The following WDR27 variants were observed in gnomAD, a reference collection of about 807,000 sequenced individuals.
The protein encoded by WDR27 is WD repeat domain 27.
A neutral mutation model predicts 114.4 loss-of-function variants in WDR27; 100 were observed. That is an observed-to-expected ratio of 0.87 (90% CI 0.74 to 1.03). WDR27 has a LOEUF of 1.03. WDR27 is among the 50% of genes least tolerant of loss of function. The pLI, the probability that WDR27 is intolerant of heterozygous loss-of-function variation, is 0.00. For synonymous variants in WDR27, 449 were observed against 423.1 expected, an observed-to-expected ratio of 1.06 and a Z score of -0.75; for missense variants, 1,129 against 1,092.9, an observed-to-expected ratio of 1.03 and a Z score of -0.47.
chr6:169,647,892 CG>C, intron 15 of WDR27, 22 bp from the exon 16 acceptor site: 1 of 1,503,574 alleles, frequency 6.7e-7, no homozygotes, highest in Non-Finnish European at 8.9e-7. Flanking sequence ...CCACAGGTAA[CG>C]GTGATCGGGA....
intron 21 of WDR27, among the ~76,000 whole-genome samples, chr6:169,624,206 T>TGGCAGGTGTTCCGTGTGCGC (rs1397741804): frequency 6.7e-6 from 1 of 148,454 alleles, no homozygotes; most frequent in East Asian, 2.0e-4. Context: ...GTGCGGCATG[T>TGGCAGGTGTTCCGTGTGCGC]GGCAGGTGTT....
rs1782389936 is a variant in WDR27, at chr6:169,684,456, C to T, written c.189+4361G>A. On this transcript the variant is annotated intron_variant, in intron 2 of 25. Transcript: ENST00000448612. This position sits in a 1 kb window ranked among gnomAD's most constrained non-coding sequence, Gnocchi z 4.3. ...ATGGCAAGCATGCTCCCAGGCCCAA[C>T]AAACAGCTATGTGCCCATGTCTCAG... is the stretch of plus-strand genomic sequence containing the variant. Among the ~76,000 whole-genome samples the T allele has an allele frequency of 6.6e-6, 1 of 152,160 alleles. No homozygotes were observed. The highest frequency in any genetic ancestry group is 1.5e-5 in the Non-Finnish European group (1 of 68,030).
chr6:169,515,226 G>A (rs763026231), intron 25 of WDR27, among the ~76,000 whole-genome samples: 20 of 152,014 alleles, frequency 1.3e-4, no homozygotes, highest in African/African-American at 4.3e-4. Flanking sequence ...AAATGTGTGC[G>A]TGTGTGCAGC....
intron 25 of WDR27, among the ~76,000 whole-genome samples, chr6:169,525,536 A>AG (rs111342599): frequency 1.7e-5 from 1 of 58,036 alleles, no homozygotes; most frequent in Non-Finnish European, 2.8e-5. Flanking sequence ...ACTCCATCTC[A>AG]AAAAAAAAAA....
intron 23 of WDR27, 61 bp from the exon 24 acceptor site, chr6:169,582,995 T>C: frequency 1.4e-6 from 2 of 1,477,320 alleles, no homozygotes; most frequent in South Asian, 2.4e-5. Context: ...ACCTGTAAGC[T>C]AGGCAGAGCA....
chr6:169,564,176 T>TGAAGA (rs1390556615), intron 25 of WDR27, among the ~76,000 whole-genome samples: 1 of 152,182 alleles, frequency 6.6e-6, no homozygotes, highest in Non-Finnish European at 1.5e-5. Context: ...GTCCAAAAGC[T>TGAAGA]GAAGAACCTG....
the WDR27 span, among the ~76,000 whole-genome samples, chr6:169,447,588 T>C: frequency 6.6e-6 from 1 of 152,210 alleles, no homozygotes; most frequent in Non-Finnish European, 1.5e-5. Context: ...CTGTGCAATA[T>C]TGGAGTCTAG....
intron 21 of WDR27, among the ~76,000 whole-genome samples, chr6:169,615,557 G>A (rs1483593671): frequency 1.3e-5 from 2 of 152,164 alleles, no homozygotes; most frequent in South Asian, 4.1e-4. Flanking sequence ...TTCAATAAAT[G>A]GTGCTGGGAT....
At chr6:169,565,251 A>C (rs1354269927) in intron 25 of WDR27, among the ~76,000 whole-genome samples, 1 of 152,208 alleles carries the variant, frequency 6.6e-6, no homozygotes, top group Admixed American at 6.5e-5. Context: ...CAGTTTCCAA[A>C]TGCAAAGCCT....
At position 169,638,595 on chromosome 6, in the gene WDR27, G is replaced by A. The variant is rs377364583; in HGVS notation, c.1813C>T (p.Arg605Trp). ...QDRRWLLSAARDGTLRMWSAR... is the reference protein window; with the variant it reads ...QDRRWLLSAAWDGTLRMWSAR... Reference sequence around the variant, plus strand: ...GACCACATTCGCAGGGTCCCGTCCCGGGCCGCAGAGAGCAGCCACCTCCGG... The same window carrying A: ...GACCACATTCGCAGGGTCCCGTCCCAGGCCGCAGAGAGCAGCCACCTCCGG... The change falls in exon 18 of 26, where the codon CGG becomes TGG. Residue 605 changes from arginine (R) to tryptophan (W), a missense_variant. Coordinates refer to ENST00000448612, the MANE Select transcript of WDR27 (RefSeq NM_182552.5). 1.4e-5 allele frequency: 23 copies of A among 1,609,032 alleles called. No homozygotes were observed. Among genetic ancestry groups the A allele is most frequent in the African/African-American group, 9.3e-5 (7 of 74,950 alleles).
chr6:169,660,687 C>T lies in WDR27; in HGVS notation c.1105G>A (p.Val369Met). The change falls in exon 10 of 26, where the codon GTG (valine) becomes ATG (methionine). Residue 369 changes from valine to methionine, a missense_variant. By Grantham distance (21) the Val-to-Met change is conservative. Transcript: ENST00000448612. Reference protein sequence around the residue: ...LFVFNLANLEVEAALYYKDFQ... With the variant: ...LFVFNLANLEMEAALYYKDFQ... ...CCCTTGTAATACAAAGCAGCTTCCA[C>T]TTCCAGGTTTGCCAGGTTAAATACG... is the stretch of plus-strand genomic sequence containing the variant. The T allele has an allele frequency of 1.2e-6, 2 of 1,613,968 alleles. No homozygotes were observed. Among genetic ancestry groups the T allele is most frequent in the African/African-American group, 2.7e-5 (2 of 75,068 alleles).
chr6:169,467,392 T>C (rs1434687705), intron 25 of WDR27, among the ~76,000 whole-genome samples: 2 of 152,196 alleles, frequency 1.3e-5, no homozygotes, highest in African/African-American at 4.8e-5. Flanking sequence ...GTAGGGGTTC[T>C]TCATGAGGGC....
At chr6:169,575,154 C>T (rs1016356448) in intron 24 of WDR27, among the ~76,000 whole-genome samples, 7 of 152,108 alleles carry the variant, frequency 4.6e-5, no homozygotes, top group African/African-American at 1.2e-4. Context: ...TGGGACTTCT[C>T]GGCCTCCACA....
At chr6:169,635,316 C>T (rs529428246) in intron 19 of WDR27, among the ~76,000 whole-genome samples, 1 of 152,252 alleles carries the variant, frequency 6.6e-6, no homozygotes, top group East Asian at 1.9e-4. Context: ...ACTCGGGAGG[C>T]GGAGGTTGCG....
At chr6:169,654,705 G>A (rs1302403590) in intron 13 of WDR27, among the ~76,000 whole-genome samples, 1 of 150,272 alleles carries the variant, frequency 6.7e-6, no homozygotes, top group Non-Finnish European at 1.5e-5. Flanking sequence ...CTGAGGAGGA[G>A]GCGCGCACAG....
intron 22 of WDR27, among the ~76,000 whole-genome samples, chr6:169,604,294 G>A (rs1808659460): frequency 6.6e-6 from 1 of 152,080 alleles, no homozygotes; most frequent in South Asian, 2.1e-4. Flanking sequence ...CCACAGGAAT[G>A]CAAAATATCA....
intron 25 of WDR27, among the ~76,000 whole-genome samples, chr6:169,554,495 A>G (rs1798605455): frequency 6.6e-6 from 1 of 152,240 alleles, no homozygotes; most frequent in African/African-American, 2.4e-5. Flanking sequence ...GGCGAAATAC[A>G]ATTTTAGATA....
At chr6:169,575,319 T>C (rs1584323682) in intron 24 of WDR27, among the ~76,000 whole-genome samples, 1 of 75,728 alleles carries the variant, frequency 1.3e-5, no homozygotes, top group African/African-American at 5.3e-5. Context: ...CATCCCTCCC[T>C]CCCTCTCTCT....
In WDR27 at chr6:169,516,090, A is replaced by G. The variant is rs1007558098; in HGVS notation, c.2645+56329T>C. Among the ~76,000 whole-genome samples, 59 of 152,216 alleles carry G rather than the reference A, an allele frequency of 3.9e-4. 1 individual carries two copies. The highest frequency in any genetic ancestry group is 3.9e-3 in the Admixed American group (59 of 15,278). On this transcript the variant is annotated intron_variant, in intron 25 of 25. Transcript: ENST00000448612. ...AAGAAATTCCAACTTTCACCATTCC[A>G]TAAAAGCAATAAGAAAACTGTCAAA... is the stretch of plus-strand genomic sequence containing the variant.
Sources: allele counts gnomAD v4.1 joint callset (sites outside exome capture counted in the v4.1 genomes callset), GRCh38; gene constraint gnomAD v4.1.1; non-coding constraint Gnocchi (gnomAD v3.1); transcripts MANE v1.5; gene names NCBI Gene and HGNC (gene_info 2026-07-23, HGNC 2026-07-21).